Variants in SESTD1 observed in about 807,000 individuals in gnomAD.
The protein encoded by SESTD1 is SEC14 domain and spectrin repeat-containing protein 1.
In SESTD1, 43 loss-of-function variants were observed where a neutral mutation model predicts 101.7. The observed-to-expected ratio is 0.42, with a 90% CI of 0.33 to 0.55. The LOEUF (loss-of-function observed/expected upper bound fraction) is 0.55. SESTD1 is among the 20% of genes least tolerant of loss of function. The pLI is 0.07. For synonymous variants in SESTD1, 283 were observed against 286.8 expected, an observed-to-expected ratio of 0.99 and a Z score of 0.13; for missense variants, 647 against 815.1, an observed-to-expected ratio of 0.79 and a Z score of 2.51.
intron 1 of SESTD1, among the ~76,000 whole-genome samples, chr2:179,221,618 G>GA (rs751713024): frequency 0.01 from 1,238 of 120,350 alleles, 8 homozygotes; most frequent in African/African-American, 0.02. Flanking sequence ...GACTGTTAAG[G>GA]AAAAAAAAAA....
chr2:179,254,660 A>G (rs1468939127), intron 1 of SESTD1, among the ~76,000 whole-genome samples: 1 of 152,254 alleles, frequency 6.6e-6, no homozygotes, highest in African/African-American at 2.4e-5. Flanking sequence ...GGCAGTCTTC[A>G]CTATCAATCA....
intron 6 of SESTD1, among the ~76,000 whole-genome samples, chr2:179,150,320 A>C (rs182037950): frequency 6.6e-6 from 1 of 152,246 alleles, no homozygotes; most frequent in Admixed American, 6.5e-5. Flanking sequence ...AAATGAGTTA[A>C]TCTGACGTTT....
intron 9 of SESTD1, among the ~76,000 whole-genome samples, chr2:179,138,192 T>A (rs1366834912): frequency 6.6e-6 from 1 of 152,168 alleles, no homozygotes; most frequent in Admixed American, 6.6e-5. Context: ...ATAATCGTCA[T>A]CTCCTTTCTC....
At chr2:179,231,908 C>T (rs1393940737) in intron 1 of SESTD1, among the ~76,000 whole-genome samples, 2 of 151,842 alleles carry the variant, frequency 1.3e-5, no homozygotes, top group Non-Finnish European at 2.9e-5. Flanking sequence ...AAGACATAAC[C>T]ATCGTGTATG....
In SESTD1 at chr2:179,132,464, C is replaced by G. The variant is rs1337293368; in HGVS notation, c.850-38G>C. ...GTTGAGATAACATTTTTTAAAGAAT[C>G]AGAAACTTTTCAAACTTTCATTCTA... On this transcript the variant is annotated intron_variant, in intron 9 of 17. Transcript: ENST00000428443. The G allele has an allele frequency of 2.0e-6, 3 of 1,534,704 alleles. No individual in the cohort carries two copies. The African/African-American group carries it at 4.3e-5, about 22-fold the overall frequency.
chr2:179,166,537 G>A (rs2045838413), intron 5 of SESTD1, among the ~76,000 whole-genome samples: 1 of 152,130 alleles, frequency 6.6e-6, no homozygotes, highest in Admixed American at 6.6e-5. Flanking sequence ...TCCCAAAACT[G>A]GGGGAGGGGC....
intron 1 of SESTD1, among the ~76,000 whole-genome samples, chr2:179,195,957 G>T (rs997657708): frequency 3.9e-5 from 6 of 152,072 alleles, no homozygotes; most frequent in Non-Finnish European, 8.8e-5. Flanking sequence ...GAGGAGCCAA[G>T]ATGGCCGAAT....
intron 1 of SESTD1, among the ~76,000 whole-genome samples, chr2:179,199,833 A>T (rs1384423769): frequency 6.6e-6 from 1 of 152,208 alleles, no homozygotes; most frequent in Non-Finnish European, 1.5e-5. Context: ...TCTATGGCAA[A>T]AACTGGAAGC....
At position 179,115,108 on chromosome 2, in the gene SESTD1, T is replaced by C. The variant is rs1320351964; in HGVS notation, c.1796A>G (p.His599Arg). 2 of 1,611,290 alleles carry C rather than the reference T, an allele frequency of 1.2e-6. No individual in the cohort carries two copies. Among genetic ancestry groups the C allele is most frequent in the Admixed American group, 1.7e-5 (1 of 59,196 alleles). The stretch of plus-strand genomic sequence containing the variant: ...AAATGCAATAGCCATTTCCAATCTA[T>C]GTACTCTCTCTTCAGATGCTATTGT... Reference protein sequence around the residue: ...QFTIASEERVHRLEMAIAFHS... With the variant: ...QFTIASEERVRRLEMAIAFHS... The change falls in exon 16 of 18, where the codon CAT (histidine) becomes CGT (arginine). Residue 599 changes from histidine (H) to arginine (R), a missense_variant. Physicochemically the swap from His to Arg is conservative, Grantham distance 29. This residue lies in a region of SESTD1 where 476 missense variants were observed against 562.6 expected (regional missense o/e 0.85). Coordinates refer to ENST00000428443, the MANE Select transcript of SESTD1 (RefSeq NM_178123.5).
rs2047538217 is a variant in SESTD1 at position 179,264,724 on chromosome 2, G to A, written c.-251C>T. On this transcript the variant is annotated 5_prime_UTR_variant, in exon 1 of 18. Coordinates refer to ENST00000428443, the MANE Select transcript of SESTD1 (RefSeq NM_178123.5). ...GCGTCAGGCGGGGAGCGGGGGTGCG[G>A]GTGGCCCGGCGACCTCTCGGCACCC... 6.6e-6 allele frequency: 1 copy of A among 151,342 alleles called. No individual in the cohort carries two copies. Among genetic ancestry groups the A allele is most frequent in the Non-Finnish European group, 1.5e-5 (1 of 67,516 alleles). The allele number at this position is 151,342 out of a possible 1,614,324, so 9.4% of individuals were successfully genotyped here.
At chr2:179,228,150 T>C (rs1164267579) in intron 1 of SESTD1, among the ~76,000 whole-genome samples, 1 of 152,116 alleles carries the variant, frequency 6.6e-6, no homozygotes. Flanking sequence ...ACTGTGTAAG[T>C]ATAGTGTCAT....
At chr2:179,115,492 A>G (rs2044608233) in intron 15 of SESTD1, among the ~76,000 whole-genome samples, 1 of 152,154 alleles carries the variant, frequency 6.6e-6, no homozygotes, top group South Asian at 2.1e-4. Context: ...TCATGCCTGT[A>G]ATCCCAGCAC....
intron 1 of SESTD1, among the ~76,000 whole-genome samples, chr2:179,248,658 A>G (rs1438166889): frequency 1.3e-5 from 2 of 152,120 alleles, no homozygotes; most frequent in Non-Finnish European, 2.9e-5. Context: ...GGCAAAATTC[A>G]GTACCTAAGA....
chr2:179,227,601 T>C (rs911229150), intron 1 of SESTD1, among the ~76,000 whole-genome samples: 5 of 152,188 alleles, frequency 3.3e-5, no homozygotes, highest in Admixed American at 1.3e-4. Context: ...TATTTAAAAA[T>C]ACGGAACTAT....
At chr2:179,172,640 C>T (rs1278231711) in intron 4 of SESTD1, among the ~76,000 whole-genome samples, 1 of 152,094 alleles carries the variant, frequency 6.6e-6, no homozygotes, top group Non-Finnish European at 1.5e-5. Flanking sequence ...AATCAATTTT[C>T]TCACTAAAAT....
Position 179,109,711 on chromosome 2 carries a change from C to T in SESTD1, c.*188G>A. 1.5e-6 allele frequency: 1 copy of T among 645,796 alleles called. No individual in the cohort carries two copies. Among genetic ancestry groups the T allele is most frequent in the South Asian group, 2.7e-5 (1 of 37,016 alleles). The allele number at this position is 645,796 out of a possible 1,614,324, so 40.0% of individuals were successfully genotyped here. A position where few individuals can be genotyped will look rare whatever the true frequency, so the allele number is the denominator to read the frequency against. Reference sequence around the variant, plus strand: ...TTTTAAGATACTTGGAATCTACAGCCTCGAAGCATGTTAAGTAATTATGCC... The same window carrying T: ...TTTTAAGATACTTGGAATCTACAGCTTCGAAGCATGTTAAGTAATTATGCC... On this transcript the variant is annotated 3_prime_UTR_variant, in exon 18 of 18. Coordinates refer to ENST00000428443, the MANE Select transcript of SESTD1 (RefSeq NM_178123.5).
chr2:179,240,387 C>A (rs148612248), intron 1 of SESTD1, among the ~76,000 whole-genome samples: 1 of 152,208 alleles, frequency 6.6e-6, no homozygotes, highest in African/African-American at 2.4e-5. Context: ...AATAAAAGTG[C>A]TACACATTAC....
At chr2:179,170,218 AAAAAAACTG>A (rs2105472517) in intron 5 of SESTD1, among the ~76,000 whole-genome samples, 1 of 152,008 alleles carries the variant, frequency 6.6e-6, no homozygotes, top group Non-Finnish European at 1.5e-5. Flanking sequence ...AGCAAAAAAA[AAAAAAACTG>A]AAAAAGAGGA....
intron 1 of SESTD1, 88 bp downstream of exon 1, chr2:179,264,411 C>T (rs945556990): frequency 4.6e-5 from 7 of 151,134 alleles, no homozygotes; most frequent in Admixed American, 1.3e-4. Flanking sequence ...CTACCGCCGC[C>T]GCCGCCGACT....
Sources: allele counts gnomAD v4.1 joint callset (sites outside exome capture counted in the v4.1 genomes callset), GRCh38; gene constraint gnomAD v4.1.1; regional missense constraint gnomAD v4.1.1; transcripts MANE v1.5; gene names NCBI Gene and HGNC (gene_info 2026-07-23, HGNC 2026-07-21).